NELL1: variants seen among roughly 807,000 people sequenced by gnomAD.
NELL1 encodes neural EGFL like 1.
In NELL1, 76 loss-of-function variants were observed where a neutral mutation model predicts 107.4. The observed-to-expected ratio is 0.71, with a 90% CI of 0.59 to 0.86. The LOEUF (loss-of-function observed/expected upper bound fraction) is 0.86. Ranked by LOEUF, NELL1 falls within the 40% of genes least tolerant of loss-of-function variation. The pLI is 0.00. For missense variants in NELL1, 1,024 were observed against 1,005.5 expected, an observed-to-expected ratio of 1.02 and a Z score of -0.25; for synonymous variants, 353 against 341.2, an observed-to-expected ratio of 1.03 and a Z score of -0.38.
intron 14 of NELL1, among the ~76,000 whole-genome samples, chr11:21,253,591 C>T (rs58199245): frequency 2.6e-5 from 4 of 152,074 alleles, no homozygotes; most frequent in Non-Finnish European, 2.9e-5. Flanking sequence ...ATGTATTGCT[C>T]ATAAAGGCAA....
intron 14 of NELL1, among the ~76,000 whole-genome samples, chr11:21,327,948 A>G (rs1850182612): frequency 1.3e-5 from 2 of 152,132 alleles, no homozygotes; most frequent in Admixed American, 1.3e-4. Context: ...TCTAAGCAGG[A>G]AAGTGTTCAA....
chr11:21,258,324 A>G (rs538289497), intron 14 of NELL1, among the ~76,000 whole-genome samples: 1 of 152,160 alleles, frequency 6.6e-6, no homozygotes, highest in Non-Finnish European at 1.5e-5. Flanking sequence ...CTCAATTGAA[A>G]TTCTAGTTCT....
At chr11:20,911,561 T>A (rs936044406) in intron 5 of NELL1, among the ~76,000 whole-genome samples, 3 of 152,196 alleles carry the variant, frequency 2.0e-5, no homozygotes, top group African/African-American at 7.2e-5. Flanking sequence ...TAAGGAGACA[T>A]GATATTTACA....
chr11:20,968,721 T>A (rs1851435089), intron 12 of NELL1, among the ~76,000 whole-genome samples: 1 of 152,232 alleles, frequency 6.6e-6, no homozygotes, highest in Non-Finnish European at 1.5e-5. Context: ...ATGTTCCAGC[T>A]TAACACGTGG....
At chr11:21,266,671 T>C (rs981934445) in intron 14 of NELL1, among the ~76,000 whole-genome samples, 9 of 152,208 alleles carry the variant, frequency 5.9e-5, no homozygotes, top group Non-Finnish European at 1.0e-4. Flanking sequence ...TCCCCGGTTT[T>C]GTCATCATCA....
At chr11:20,677,816 C>T in intron 1 of NELL1, 116 bp from the exon 2 acceptor site, 3 of 1,198,150 alleles carry the variant, frequency 2.5e-6, no homozygotes, top group South Asian at 2.7e-5. Context: ...GACAAAGACT[C>T]TCCAAGCACT....
intron 14 of NELL1, among the ~76,000 whole-genome samples, chr11:21,355,066 T>C (rs905783596): frequency 1.3e-5 from 2 of 152,212 alleles, no homozygotes; most frequent in African/African-American, 2.4e-5. Context: ...AAGATATAAT[T>C]TGATGTTGCT....
At chr11:21,088,191 G>A (rs534158983) in intron 12 of NELL1, among the ~76,000 whole-genome samples, 3 of 151,796 alleles carry the variant, frequency 2.0e-5, no homozygotes, top group Admixed American at 2.0e-4. Context: ...AGATGACCAC[G>A]ACCATACCCT....
At chr11:21,397,370 A>G (rs188856789) in intron 15 of NELL1, among the ~76,000 whole-genome samples, 308 of 151,776 alleles carry the variant, frequency 2.0e-3, no homozygotes, top group Non-Finnish European at 3.7e-3. Context: ...TTTAAAAAGT[A>G]GTATATTTTT....
At chr11:20,938,885 T>C (rs975725028) in intron 10 of NELL1, among the ~76,000 whole-genome samples, 6 of 149,746 alleles carry the variant, frequency 4.0e-5, no homozygotes, top group African/African-American at 7.5e-5. Context: ...TGAGAATTCA[T>C]TGAAGCTCTC....
intron 2 of NELL1, among the ~76,000 whole-genome samples, chr11:20,770,332 G>A (rs894109472): frequency 3.3e-5 from 5 of 152,182 alleles, no homozygotes; most frequent in Non-Finnish European, 7.3e-5. Flanking sequence ...TCTCTAAAGA[G>A]GAGGTCCATT....
intron 12 of NELL1, among the ~76,000 whole-genome samples, chr11:21,043,167 G>A (rs1318826656): frequency 6.6e-6 from 1 of 152,174 alleles, no homozygotes; most frequent in Non-Finnish European, 1.5e-5. Flanking sequence ...TGTGGGCAAT[G>A]AGAGTACTGC....
At chr11:20,812,869 G>A (rs960403714) in intron 3 of NELL1, among the ~76,000 whole-genome samples, 2 of 150,822 alleles carry the variant, frequency 1.3e-5, no homozygotes, top group Non-Finnish European at 3.0e-5. Flanking sequence ...TTAGCCGGGC[G>A]AGGTGGCGGG....
chr11:21,315,240 A>G (rs1186496709), intron 14 of NELL1, among the ~76,000 whole-genome samples: 1 of 152,202 alleles, frequency 6.6e-6, no homozygotes, highest in African/African-American at 2.4e-5. Flanking sequence ...GAAAAGTCAG[A>G]AATAGATAAG....
chr11:21,449,334 C>T lies in NELL1; in HGVS notation c.1645+78386C>T, dbSNP rs1004805802. 8.5e-5 allele frequency among the ~76,000 whole-genome samples: 13 copies of T among 152,204 alleles called. No individual in the cohort carries two copies. In the East Asian group the frequency reaches 1.2e-3, roughly 14 times the overall value. On this transcript the variant is annotated intron_variant, in intron 15 of 19. Transcript: ENST00000357134. ...TGGCCAATAATGTTTGACATTCTTC[C>T]ATATGCTTATTTGCCATCCATATGT...
At chr11:21,544,467 A>G (rs1283265839) in intron 16 of NELL1, among the ~76,000 whole-genome samples, 1 of 151,966 alleles carries the variant, frequency 6.6e-6, no homozygotes, top group African/African-American at 2.4e-5. Context: ...ATATCAAAGA[A>G]CAGTCATAAC....
chr11:21,392,141 T>C (rs747082473), intron 15 of NELL1, among the ~76,000 whole-genome samples: 10 of 151,980 alleles, frequency 6.6e-5, no homozygotes, highest in Non-Finnish European at 1.2e-4. Context: ...CTCTCAACTA[T>C]GTTCTGACCT....
At chr11:21,219,129 C>T (rs752228287) in intron 13 of NELL1, among the ~76,000 whole-genome samples, 8 of 152,130 alleles carry the variant, frequency 5.3e-5, no homozygotes, top group South Asian at 2.1e-4. Context: ...TCTCTCCGTC[C>T]GCACTGGCAT....
chr11:21,476,112 G>A (rs918923289), intron 15 of NELL1, among the ~76,000 whole-genome samples: 1 of 151,978 alleles, frequency 6.6e-6, no homozygotes, highest in African/African-American at 2.4e-5. Context: ...CAGGATACTT[G>A]TTATCATTAC....
Sources: gnomAD v4.1 joint callset for allele counts (sites outside exome capture counted in the v4.1 genomes callset) on GRCh38, gnomAD v4.1.1 for gene constraint, MANE v1.5 for transcripts, NCBI Gene and HGNC (gene_info 2026-07-23, HGNC 2026-07-21) for gene names.